The following CYB5R3 variants were observed in gnomAD, a reference collection of about 807,000 sequenced individuals.
The protein encoded by CYB5R3 is cytochrome b5 reductase 3, also known as NADH-cytochrome b5 reductase 3.
In CYB5R3, 28 loss-of-function variants were observed where a neutral mutation model predicts 36.5. The ratio of observed to expected loss-of-function variants is 0.77; its 90% CI spans 0.57 to 1.05. The LOEUF (loss-of-function observed/expected upper bound fraction) is 1.05. CYB5R3 is among the 50% of genes least tolerant of loss of function. CYB5R3 has a pLI of 0.00. For synonymous variants in CYB5R3, 181 were observed against 159.8 expected (o/e 1.13, Z -1.00); for missense variants, 474 against 408.9 (o/e 1.16, Z -1.37).
At position 42,619,886 on chromosome 22, in the gene CYB5R3, G is replaced by C; in HGVS notation, c.793C>G (p.Pro265Ala). ...ATCAGCACCAGCGGCTCCTCCTCTG[G>C]GGGTGGAAGGTGGTCCCGGATCATC... ...EEMIRDHLPP[P>A]EEEPLVLMCG... The change falls in exon 9 of 9, where the codon CCA becomes GCA. Residue 265 changes from proline (P) to alanine (A), a missense_variant. Transcript: ENST00000352397. 3 of 1,608,384 alleles carry C rather than the reference G, an allele frequency of 1.9e-6. No homozygotes were observed. The highest frequency in any genetic ancestry group is 2.5e-6 in the Non-Finnish European group (3 of 1,177,754).
At chr22:42,647,741 C>T (rs1929597130) in intron 1 of CYB5R3, among the ~76,000 whole-genome samples, 1 of 151,396 alleles carries the variant, frequency 6.6e-6, no homozygotes, top group Non-Finnish European at 1.5e-5. Flanking sequence ...CTTAGCCAGG[C>T]ATATTGGCAC....
At chr22:42,626,989 C>G (rs1928301687) in intron 7 of CYB5R3, among the ~76,000 whole-genome samples, 1 of 152,206 alleles carries the variant, frequency 6.6e-6, no homozygotes, top group Non-Finnish European at 1.5e-5. Context: ...GCATTCTTCC[C>G]ACTCTACCAG....
chr22:42,647,974 A>G (rs1015624535), intron 1 of CYB5R3, among the ~76,000 whole-genome samples: 1 of 152,202 alleles, frequency 6.6e-6, no homozygotes, highest in African/African-American at 2.4e-5. Context: ...ACAGCAGGGA[A>G]GGGTTGGGTG....
chr22:42,631,080 C>T, intron 3 of CYB5R3, 92 bp from the exon 4 acceptor site: 1 of 1,177,072 alleles, frequency 8.5e-7, no homozygotes. Context: ...CCCCACCCGG[C>T]ATTCAAAGCC....
intron 4 of CYB5R3, among the ~76,000 whole-genome samples, chr22:42,629,672 C>G: frequency 6.6e-6 from 1 of 152,200 alleles, no homozygotes; most frequent in East Asian, 1.9e-4. Context: ...AGTAAGGGGG[C>G]TCCAGGGGTA....
At chr22:42,633,646 G>A (rs1056089440) in intron 2 of CYB5R3, among the ~76,000 whole-genome samples, 3 of 152,228 alleles carry the variant, frequency 2.0e-5, no homozygotes, top group African/African-American at 7.2e-5. Flanking sequence ...AGCTGGGCAT[G>A]GTGTCGCATG....
chr22:42,643,574 C>T (rs1409320332), intron 1 of CYB5R3, among the ~76,000 whole-genome samples: 1 of 151,986 alleles, frequency 6.6e-6, no homozygotes, highest in Non-Finnish European at 1.5e-5. Context: ...GCAGCTGAGG[C>T]CTCGCTCCAT....
rs184321285 is a variant in CYB5R3, at chr22:42,647,683, C to T, written c.21+1612G>A. Among the ~76,000 whole-genome samples, 617 of 149,354 alleles carry T rather than the reference C, an allele frequency of 4.1e-3. 4 individuals are homozygous for T. Among genetic ancestry groups the T allele is most frequent in the African/African-American group, 0.014 (583 of 40,376 alleles). On this transcript the variant is annotated intron_variant, in intron 1 of 8. Transcript: ENST00000352397. ...GCAGTGAGCTGAGATCATGCCACTG[C>T]ACTCCAACCTGGGTGACAGAGAGAG...
Position 42,627,409 on chromosome 22 carries a change from G to A in CYB5R3, c.548-20C>T. On this transcript the variant is annotated intron_variant, in intron 6 of 8. Coordinates refer to ENST00000352397, the MANE Select transcript of CYB5R3 (RefSeq NM_000398.7). ...TGATGCCTGCAAAATAGCCGGCCGG[G>A]CCTCGCACGTGCTGAGCGAGGCCTG... The A allele has an allele frequency of 6.2e-7, 1 of 1,611,708 alleles. No homozygotes were observed.
At chr22:42,627,441 G>C (rs1490833651) in intron 6 of CYB5R3, 52 bp from the exon 7 acceptor site, 1 of 1,581,396 alleles carries the variant, frequency 6.3e-7, no homozygotes, top group African/African-American at 1.3e-5. Flanking sequence ...CCTGTTCACA[G>C]GCACCGCCCC....
At chr22:42,623,936 C>A (rs763318240) in intron 7 of CYB5R3, 48 bp from the exon 8 acceptor site, 2 of 1,514,912 alleles carry the variant, frequency 1.3e-6, no homozygotes, top group Non-Finnish European at 1.8e-6. Flanking sequence ...TGGCAGACTG[C>A]CCCTGGAGAC....
chr22:42,622,600 G>A (rs1335655588), intron 8 of CYB5R3, among the ~76,000 whole-genome samples: 4 of 152,134 alleles, frequency 2.6e-5, no homozygotes, highest in South Asian at 4.1e-4. Flanking sequence ...TGAGAAGGGC[G>A]GCTGCTCCCT....
chr22:42,645,111 G>A (rs1017997545), intron 1 of CYB5R3, among the ~76,000 whole-genome samples: 4 of 152,096 alleles, frequency 2.6e-5, no homozygotes, highest in East Asian at 3.9e-4. Context: ...AAAGACACCC[G>A]CGTATTAGTG....
intron 7 of CYB5R3, 138 bp downstream of exon 7, chr22:42,627,166 G>A: frequency 2.6e-6 from 2 of 780,786 alleles, no homozygotes; most frequent in Non-Finnish European, 4.4e-6. Flanking sequence ...CCAGTGCACA[G>A]AACATTCAGG....
At chr22:42,639,963 TCAAA>T in intron 1 of CYB5R3, 1 of 1,609,348 alleles carries the variant, frequency 6.2e-7, no homozygotes, top group Non-Finnish European at 8.5e-7. Flanking sequence ...AGACTGGTCT[TCAAA>T]CATTCTAGCC....
chr22:42,631,349 C>T (rs781024962), intron 3 of CYB5R3, 29 bp downstream of exon 3: 37 of 1,546,720 alleles, frequency 2.4e-5, no homozygotes, highest in Non-Finnish European at 9.6e-6. Flanking sequence ...TGCCGGGCTC[C>T]GAATGGGCCC....
At chr22:42,628,075 C>G (rs1928388221) in intron 5 of CYB5R3, 77 bp downstream of exon 5, 4 of 1,594,086 alleles carry the variant, frequency 2.5e-6, no homozygotes, top group Admixed American at 3.3e-5. Flanking sequence ...CAGGGGCCTG[C>G]ACCCTGCACC....
At position 42,618,955 on chromosome 22, in the gene CYB5R3, G is replaced by C. The variant is rs1049809; in HGVS notation, c.*818C>G. The C allele has an allele frequency of 6.6e-6, 1 of 152,304 alleles. No individual in the cohort carries two copies. Among genetic ancestry groups the C allele is most frequent in the East Asian group, 1.9e-4 (1 of 5,200 alleles). The allele number at this position is 152,304 out of a possible 1,614,324, so 9.4% of individuals were successfully genotyped here. A position where few individuals can be genotyped will look rare whatever the true frequency, so the allele number is the denominator to read the frequency against. ...TCCCTCAGACAAGAGGCACTGCTCA[G>C]AATCCCCCTGTGCTGGGGGTGAGGG... On this transcript the variant is annotated 3_prime_UTR_variant, in exon 9 of 9. Coordinates refer to ENST00000352397, the MANE Select transcript of CYB5R3 (RefSeq NM_000398.7).
intron 7 of CYB5R3, among the ~76,000 whole-genome samples, chr22:42,624,743 T>C (rs1363104303): frequency 6.6e-6 from 1 of 152,036 alleles, no homozygotes; most frequent in African/African-American, 2.4e-5. Flanking sequence ...CAAAGAGCGC[T>C]GCCACCCAGA....
Sources: allele counts gnomAD v4.1 joint callset (sites outside exome capture counted in the v4.1 genomes callset), GRCh38; gene constraint gnomAD v4.1.1; transcripts MANE v1.5; gene names NCBI Gene and HGNC (gene_info 2026-07-23, HGNC 2026-07-21).